RAD52: variants seen among roughly 807,000 people sequenced by gnomAD.
RAD52 encodes DNA repair protein RAD52 homolog.
A neutral mutation model predicts 55.5 loss-of-function variants in RAD52; 47 were observed. The ratio of observed to expected loss-of-function variants is 0.85; its 90% CI spans 0.67 to 1.08. The LOEUF is 1.08. RAD52 is among the 50% of genes least tolerant of loss of function. The pLI, the probability that RAD52 is intolerant of heterozygous loss-of-function variation, is 0.00. For missense variants in RAD52, 468 were observed against 522.8 expected (o/e 0.90, Z 1.02); for synonymous variants, 184 against 198.9 (o/e 0.92, Z 0.63).
chr12:957,405 G>A (rs1033116874), intron 1 of RAD52, among the ~76,000 whole-genome samples: 1 of 142,364 alleles, frequency 7.0e-6, no homozygotes, highest in African/African-American at 2.6e-5. Flanking sequence ...GGAGGAGGTT[G>A]CAGTGACCCA....
Position 934,886 on chromosome 12 carries a change from G to A in RAD52, c.-18-1810C>T, listed in dbSNP as rs536148996. On this transcript the variant is annotated intron_variant, in intron 1 of 11. Transcript: ENST00000358495. ...CTAACACTTTGGGAGGCCAAAGCAGGCGGATCACCTGAGGTCAGGAGTTCG... is the reference window on the plus strand; with the variant it reads ...CTAACACTTTGGGAGGCCAAAGCAGACGGATCACCTGAGGTCAGGAGTTCG... 9.9e-5 allele frequency among the ~76,000 whole-genome samples: 15 copies of A among 152,218 alleles called. No homozygotes were observed. In the East Asian group the frequency reaches 1.4e-3, roughly 14 times the overall value.
intron 1 of RAD52, among the ~76,000 whole-genome samples, chr12:943,855 A>C (rs910445475): frequency 1.1e-4 from 16 of 151,160 alleles, no homozygotes; most frequent in African/African-American, 3.9e-4. Context: ...GCACACACTC[A>C]GGTCATGAAG....
intron 1 of RAD52, among the ~76,000 whole-genome samples, chr12:983,578 C>T (rs959397005): frequency 1.3e-5 from 2 of 152,036 alleles, no homozygotes; most frequent in Non-Finnish European, 2.9e-5. Flanking sequence ...CGCCACCATG[C>T]CCAGCTAATT....
intron 1 of RAD52, among the ~76,000 whole-genome samples, chr12:988,665 GTGTC>G (rs1959121590): frequency 1.3e-5 from 2 of 152,214 alleles, no homozygotes; most frequent in Admixed American, 6.5e-5. Flanking sequence ...TCAAGGAAAA[GTGTC>G]TGTGCACATG....
intron 1 of RAD52, among the ~76,000 whole-genome samples, chr12:957,335 C>T (rs1486940142): frequency 5.9e-5 from 9 of 151,616 alleles, no homozygotes; most frequent in Non-Finnish European, 1.3e-4. Context: ...TGGTGGTGGG[C>T]GCCTGTAATC....
At chr12:944,388 C>T (rs577218082) in intron 1 of RAD52, among the ~76,000 whole-genome samples, 118 of 151,626 alleles carry the variant, frequency 7.8e-4, no homozygotes, top group Middle Eastern at 3.4e-3. Flanking sequence ...TGGAGCATGC[C>T]GGCAGTCCCA....
chr12:970,144 T>C lies in RAD52; in HGVS notation c.-19+19665A>G, dbSNP rs565105128. Among the ~76,000 whole-genome samples the C allele has an allele frequency of 2.4e-3, 365 of 151,892 alleles. 1 individual carries two copies. Among genetic ancestry groups the C allele is most frequent in the Middle Eastern group, 0.014 (4 of 294 alleles). The stretch of plus-strand genomic sequence containing the variant: ...CCAACATGCGAAACCCTGTCTCTAC[T>C]AAAAATACAAAAATTAGCCGGGTGT... On this transcript the variant is annotated intron_variant, in intron 1 of 11. Transcript: ENST00000430095.
chr12:912,806 A>G lies in RAD52; in HGVS notation c.*585T>C, dbSNP rs1234111504. On this transcript the variant is annotated 3_prime_UTR_variant, in exon 12 of 12. Coordinates refer to ENST00000358495, the MANE Select transcript of RAD52 (RefSeq NM_134424.4). ...ATTTCCTTCCTTAGGAAAAAATGTC[A>G]GTCTTGAAACAATGCAGGATTGTAA... 5.4e-6 allele frequency: 1 copy of G among 186,278 alleles called. No homozygotes were observed. The highest frequency in any genetic ancestry group is 2.3e-5 in the African/African-American group (1 of 42,654). 11.5% of individuals were successfully genotyped at this position (186,278 alleles called of 1,614,324 possible).
upstream of RAD52, chr12:990,952 A>AGTGTGTGTGT (rs138094397): frequency 6.7e-6 from 1 of 150,032 alleles, no homozygotes; most frequent in Admixed American, 6.6e-5. Flanking sequence ...TGTGTGTGTG[A>AGTGTGTGTGT]GTGTGTGTGT....
chr12:913,505 G>A, intron 11 of RAD52, 53 bp from the exon 12 acceptor site: 2 of 1,270,418 alleles, frequency 1.6e-6, no homozygotes, highest in Non-Finnish European at 2.3e-6. Flanking sequence ...AAAATAAACT[G>A]ACAGCTAATG....
intron 1 of RAD52, among the ~76,000 whole-genome samples, chr12:948,067 G>A (rs1213254761): frequency 6.6e-6 from 1 of 151,460 alleles, no homozygotes; most frequent in East Asian, 1.9e-4. Context: ...AAAATCACCA[G>A]TATCCATCAA....
At chr12:987,521 TTC>T (rs1478113667) in intron 1 of RAD52, among the ~76,000 whole-genome samples, 1 of 151,964 alleles carries the variant, frequency 6.6e-6, no homozygotes, top group African/African-American at 2.4e-5. Flanking sequence ...TTATCTTATT[TTC>T]TCTCACAATT....
At position 985,532 on chromosome 12, in the gene RAD52, T is replaced by G. The variant is rs189992461; in HGVS notation, c.-19+4277A>C. 1.5e-4 allele frequency among the ~76,000 whole-genome samples: 23 copies of G among 152,298 alleles called. 1 individual carries two copies. In the East Asian group the frequency reaches 4.4e-3, roughly 29 times the overall value. Reference sequence around the variant, plus strand: ...AAAGCCATGAAGATTTATACCTATATTTTCTTCTATGAGTATTTTAGCTTA... The same window carrying G: ...AAAGCCATGAAGATTTATACCTATAGTTTCTTCTATGAGTATTTTAGCTTA... On this transcript the variant is annotated intron_variant, in intron 1 of 11. Transcript: ENST00000430095.
At chr12:972,874 G>A (rs1446570562) in intron 1 of RAD52, among the ~76,000 whole-genome samples, 2 of 151,924 alleles carry the variant, frequency 1.3e-5, no homozygotes, top group Non-Finnish European at 2.9e-5. Context: ...TGAGCTAGGA[G>A]ACTAGCAGAT....
chr12:934,859 C>T lies in RAD52; in HGVS notation c.-18-1783G>A, dbSNP rs370775121. On this transcript the variant is annotated intron_variant, in intron 1 of 11. Coordinates refer to ENST00000358495, the MANE Select transcript of RAD52 (RefSeq NM_134424.4). Reference sequence around the variant, plus strand: ...CAGGTGTGGTGGCTCACACCTGTAACCCTAACACTTTGGGAGGCCAAAGCA... The same window carrying T: ...CAGGTGTGGTGGCTCACACCTGTAATCCTAACACTTTGGGAGGCCAAAGCA... Among the ~76,000 whole-genome samples, 49 of 152,032 alleles carry T rather than the reference C, an allele frequency of 3.2e-4. No homozygotes were observed. The East Asian group carries it at 9.3e-3, about 29-fold the overall frequency.
At chr12:954,636 AC>A (rs1315357197), upstream of RAD52, among the ~76,000 whole-genome samples, 1 of 151,910 alleles carries the variant, frequency 6.6e-6, no homozygotes, top group East Asian at 1.9e-4. Flanking sequence ...TTCATCCCCC[AC>A]CCCCCAAAAA....
chr12:979,512 C>T (rs1958981491), intron 1 of RAD52, among the ~76,000 whole-genome samples: 1 of 151,958 alleles, frequency 6.6e-6, no homozygotes, highest in Non-Finnish European at 1.5e-5. Flanking sequence ...GTGTCCTTGT[C>T]AGAAGAGACA....
Position 914,295 on chromosome 12 carries a change from A to G in RAD52, c.967+136T>C, listed in dbSNP as rs1016635619. Reference sequence around the variant, plus strand: ...TCCCTTTGGTTAGGACCAAAGAGGAACTGGACATATGCTATCAGCCAGAAC... The same window carrying G: ...TCCCTTTGGTTAGGACCAAAGAGGAGCTGGACATATGCTATCAGCCAGAAC... On this transcript the variant is annotated intron_variant, in intron 10 of 11. Coordinates refer to ENST00000358495, the MANE Select transcript of RAD52 (RefSeq NM_134424.4). The G allele has an allele frequency of 1.3e-5, 18 of 1,368,624 alleles. No individual in the cohort carries two copies. The African/African-American group carries it at 1.6e-4, about 12-fold the overall frequency. 84.8% of individuals were successfully genotyped at this position (1,368,624 alleles called of 1,614,324 possible).
intron 1 of RAD52, among the ~76,000 whole-genome samples, chr12:969,444 TTA>T (rs1220982342): frequency 1.3e-5 from 2 of 151,974 alleles, no homozygotes; most frequent in Non-Finnish European, 2.9e-5. Flanking sequence ...ACTTATTTTA[TTA>T]TATATATAAT....
Sources: allele counts gnomAD v4.1 joint callset (sites outside exome capture counted in the v4.1 genomes callset), GRCh38; gene constraint gnomAD v4.1.1; transcripts MANE v1.5; gene names NCBI Gene and HGNC (gene_info 2026-07-23, HGNC 2026-07-21).